FSTL5: variants seen among roughly 807,000 people sequenced by gnomAD.
FSTL5 encodes follistatin-related protein 5.
A neutral mutation model predicts 89.1 loss-of-function variants in FSTL5; 62 were observed. The observed-to-expected ratio is 0.70, with a 90% confidence interval of 0.57 to 0.86. FSTL5 has a LOEUF of 0.86. Among genes scored for constraint, FSTL5 ranks in the 40% least tolerant of loss-of-function variants. FSTL5 has a pLI of 0.00. For missense variants in FSTL5, 1,057 were observed against 1,001.6 expected (o/e 1.06, Z -0.75); for synonymous variants, 383 against 346.2 (o/e 1.11, Z -1.18).
At chr4:161,516,122 A>T (rs1730819818) in intron 10 of FSTL5, among the ~76,000 whole-genome samples, 1 of 148,662 alleles carries the variant, frequency 6.7e-6, no homozygotes, top group Middle Eastern at 3.3e-3. Flanking sequence ...TATATATTAT[A>T]TTCTTATATA....
chr4:161,478,719 T>TA (rs1317202399), intron 13 of FSTL5, among the ~76,000 whole-genome samples: 2 of 152,046 alleles, frequency 1.3e-5, no homozygotes, highest in Non-Finnish European at 2.9e-5. Context: ...GTATATTTAC[T>TA]AATAAAAAAG....
At chr4:162,002,209 CA>C (rs1326919528) in intron 3 of FSTL5, among the ~76,000 whole-genome samples, 1 of 152,090 alleles carries the variant, frequency 6.6e-6, no homozygotes, top group Non-Finnish European at 1.5e-5. Flanking sequence ...TTCATAGCTA[CA>C]ATTAGCACAC....
chr4:161,954,081 C>T (rs1294817738), intron 3 of FSTL5, among the ~76,000 whole-genome samples: 8 of 151,306 alleles, frequency 5.3e-5, no homozygotes, highest in Admixed American at 5.3e-4. Flanking sequence ...TTGCAATATA[C>T]TACAAAATCC....
chr4:161,985,033 T>C (rs192493216), intron 3 of FSTL5, among the ~76,000 whole-genome samples: 1 of 151,972 alleles, frequency 6.6e-6, no homozygotes, highest in African/African-American at 2.4e-5. Flanking sequence ...CATGGCTCAC[T>C]GCAACCTCCG....
intron 1 of FSTL5, among the ~76,000 whole-genome samples, chr4:162,114,593 C>A (rs1174497906): frequency 6.6e-6 from 1 of 151,134 alleles, no homozygotes; most frequent in African/African-American, 2.4e-5. Flanking sequence ...ACAAATATTT[C>A]ATGCATTATA....
intron 3 of FSTL5, among the ~76,000 whole-genome samples, chr4:162,002,764 T>A (rs1418645595): frequency 6.6e-6 from 1 of 151,802 alleles, no homozygotes; most frequent in Admixed American, 6.6e-5. Flanking sequence ...TTAGCTATAT[T>A]GGTAATCAAA....
At chr4:161,658,304 G>GA (rs965405520) in intron 6 of FSTL5, among the ~76,000 whole-genome samples, 66 of 150,912 alleles carry the variant, frequency 4.4e-4, no homozygotes, top group African/African-American at 1.5e-3. Context: ...ACTAAAAATA[G>GA]AAAAAAAAGC....
intron 15 of FSTL5, among the ~76,000 whole-genome samples, chr4:161,449,449 G>T (rs765091528): frequency 1.3e-5 from 2 of 152,124 alleles, no homozygotes; most frequent in Admixed American, 6.6e-5. Context: ...GGTTGGGGGG[G>T]ATAGTTTCAA....
chr4:161,811,838 G>A, intron 4 of FSTL5, among the ~76,000 whole-genome samples: 1 of 152,028 alleles, frequency 6.6e-6, no homozygotes, highest in East Asian at 1.9e-4. Context: ...ATATAAACTA[G>A]AATTTATCTC....
intron 2 of FSTL5, among the ~76,000 whole-genome samples, chr4:162,077,596 G>T (rs1028697522): frequency 4.6e-5 from 7 of 151,644 alleles, no homozygotes; most frequent in Non-Finnish European, 4.4e-5. Context: ...CAAAATACTT[G>T]TAAGATTTTG....
chr4:161,472,645 T>TA (rs1169924202), intron 13 of FSTL5, among the ~76,000 whole-genome samples: 8 of 152,056 alleles, frequency 5.3e-5, no homozygotes, highest in Non-Finnish European at 1.0e-4. Flanking sequence ...TTCCACAATT[T>TA]AAAAAAAATT....
intron 6 of FSTL5, among the ~76,000 whole-genome samples, chr4:161,724,332 TCTC>T (rs1739319780): frequency 6.6e-6 from 1 of 151,868 alleles, no homozygotes; most frequent in African/African-American, 2.4e-5. Flanking sequence ...GCAAAAAAGA[TCTC>T]CTGGAACTAA....
At chr4:161,531,837 T>C (rs1315711050) in intron 10 of FSTL5, among the ~76,000 whole-genome samples, 4 of 152,210 alleles carry the variant, frequency 2.6e-5, no homozygotes, top group African/African-American at 7.2e-5. Flanking sequence ...TATAAAACTC[T>C]GATTTGTAGC....
At chr4:161,670,565 T>C (rs1228931317) in intron 6 of FSTL5, among the ~76,000 whole-genome samples, 1 of 152,188 alleles carries the variant, frequency 6.6e-6, no homozygotes, top group Non-Finnish European at 1.5e-5. Flanking sequence ...TTTAATATTG[T>C]TTGCCTAATT....
At chr4:161,702,191 G>A (rs937692419) in intron 6 of FSTL5, among the ~76,000 whole-genome samples, 2 of 151,998 alleles carry the variant, frequency 1.3e-5, no homozygotes, top group African/African-American at 2.4e-5. Flanking sequence ...ATTGCTTAGC[G>A]AAACTCAAGT....
rs191797200 is a variant in FSTL5, at chr4:161,955,499, A to G, written c.161-34847T>C. Among the ~76,000 whole-genome samples, 305 of 151,996 alleles carry G rather than the reference A, an allele frequency of 2.0e-3. 1 individual carries two copies. Among genetic ancestry groups the G allele is most frequent in the African/African-American group, 6.9e-3 (288 of 41,558 alleles). ...GTCCAAAGCAGTATCAGTATATCCA[A>G]TAATTATAGATGCAGAAACTCAACA... On this transcript the variant is annotated intron_variant, in intron 3 of 15. Coordinates refer to ENST00000306100, the MANE Select transcript of FSTL5 (RefSeq NM_020116.5).
intron 4 of FSTL5, among the ~76,000 whole-genome samples, chr4:161,827,751 G>GGTCTTC (rs1730710492): frequency 1.3e-5 from 2 of 152,126 alleles, no homozygotes; most frequent in Admixed American, 1.3e-4. Context: ...GGCAGTTACA[G>GGTCTTC]GCCTCACCCA....
chr4:161,462,261 C>CTCTT lies in FSTL5; in HGVS notation c.1609-2946_1609-2943dup, dbSNP rs147709338. On this transcript the variant is annotated intron_variant, in intron 13 of 15. Coordinates refer to ENST00000306100, the MANE Select transcript of FSTL5 (RefSeq NM_020116.5). ...CCTCTCTGCATATGAAAGACACTCC[C>CTCTT]TCTTAGTTGATTGTTTATTCCTGGG... is the stretch of plus-strand genomic sequence containing the variant. Among the ~76,000 whole-genome samples the CTCTT allele has an allele frequency of 5.1e-3, 779 of 152,286 alleles. 6 individuals carry two copies. Among genetic ancestry groups the CTCTT allele is most frequent in the African/African-American group, 0.017 (716 of 41,572 alleles).
chr4:161,866,465 A>AGTGTGT (rs70937692), intron 4 of FSTL5, among the ~76,000 whole-genome samples: 11,070 of 131,780 alleles, frequency 0.084, 539 homozygotes, highest in Middle Eastern at 0.19. Flanking sequence ...TCTAAGCTGT[A>AGTGTGT]GTGTGTGTGT....
Sources: allele counts gnomAD v4.1 joint callset (sites outside exome capture counted in the v4.1 genomes callset), GRCh38; gene constraint gnomAD v4.1.1; transcripts MANE v1.5; gene names NCBI Gene and HGNC (gene_info 2026-07-23, HGNC 2026-07-21).